FGF14: variants seen among roughly 807,000 people sequenced by gnomAD.
FGF14 encodes fibroblast growth factor homologous factor 4.
A neutral mutation model predicts 25.5 loss-of-function variants in FGF14; 5 were observed. The observed-to-expected ratio is 0.20, with a 90% confidence interval of 0.10 to 0.41. The LOEUF (loss-of-function observed/expected upper bound fraction) is 0.41, where lower values mean the gene tolerates loss of function less well. FGF14 is among the 10% of genes least tolerant of loss of function. The probability of loss-of-function intolerance (pLI) is 1.00; values close to 1 mark genes in which losing one functional copy is unlikely to be tolerated. For missense variants in FGF14, 222 were observed against 320.1 expected (o/e 0.69, Z 2.34); for synonymous variants, 138 against 118.3 (o/e 1.17, Z -1.08).
chr13:101,792,297 T>C (rs1218143080), intron 3 of FGF14, among the ~76,000 whole-genome samples: 1 of 152,120 alleles, frequency 6.6e-6, no homozygotes, highest in Non-Finnish European at 1.5e-5. Flanking sequence ...ACACCACCAT[T>C]GCTTTGGATT....
At chr13:102,022,751 A>G (rs999516371) in intron 1 of FGF14, among the ~76,000 whole-genome samples, 1 of 152,150 alleles carries the variant, frequency 6.6e-6, no homozygotes. Context: ...GTTCCATTTT[A>G]AACTATAAAA....
chr13:102,089,120 T>C (rs1053180862), intron 1 of FGF14, among the ~76,000 whole-genome samples: 5 of 152,168 alleles, frequency 3.3e-5, no homozygotes, highest in African/African-American at 9.6e-5. Context: ...TTCCAGAGTG[T>C]AGGGAAAACT....
chr13:102,292,959 A>G (rs908736817), intron 1 of FGF14: 5 of 152,280 alleles, frequency 3.3e-5, no homozygotes, highest in Non-Finnish European at 5.9e-5. Flanking sequence ...GCTGAAATGA[A>G]GATCACATCT....
intron 1 of FGF14, among the ~76,000 whole-genome samples, chr13:101,978,432 G>A (rs1342238188): frequency 1.3e-5 from 2 of 152,044 alleles, no homozygotes; most frequent in Non-Finnish European, 2.9e-5. Context: ...GAGCCAGAAG[G>A]GTCACTAAAT....
At chr13:101,778,428 T>A (rs1420451995) in intron 3 of FGF14, among the ~76,000 whole-genome samples, 1 of 152,274 alleles carries the variant, frequency 6.6e-6, no homozygotes, top group South Asian at 2.1e-4. Context: ...TAAACCTCCA[T>A]CGCCTTGCCT....
At chr13:102,200,596 G>A (rs1038083196) in intron 1 of FGF14, among the ~76,000 whole-genome samples, 1 of 146,874 alleles carries the variant, frequency 6.8e-6, no homozygotes, top group Non-Finnish European at 1.5e-5. Context: ...GGGAAATGCA[G>A]GTCTTCTCAT....
At chr13:102,233,313 G>A (rs1216944132) in intron 1 of FGF14, among the ~76,000 whole-genome samples, 4 of 152,096 alleles carry the variant, frequency 2.6e-5, no homozygotes, top group East Asian at 3.9e-4. Flanking sequence ...TGTATTTTTA[G>A]TAGAGATGGA....
chr13:101,900,693 A>G (rs2031428113), intron 1 of FGF14, among the ~76,000 whole-genome samples: 1 of 152,162 alleles, frequency 6.6e-6, no homozygotes, highest in Non-Finnish European at 1.5e-5. Flanking sequence ...GGAAAAGCAC[A>G]TGAGGAGCGT....
At chr13:102,150,405 T>A (rs1269472725) in intron 1 of FGF14, among the ~76,000 whole-genome samples, 1 of 152,078 alleles carries the variant, frequency 6.6e-6, no homozygotes, top group Admixed American at 6.6e-5. Flanking sequence ...ACTAACAACA[T>A]AAATGTAAAT....
intron 1 of FGF14, among the ~76,000 whole-genome samples, chr13:101,889,345 G>A (rs975832193): frequency 8.5e-5 from 13 of 152,082 alleles, no homozygotes; most frequent in Non-Finnish European, 1.0e-4. Flanking sequence ...GTAGCACCCG[G>A]CTCCCAGGAT....
In FGF14 at chr13:101,717,339, C is replaced by T. The variant is rs1402995976; in HGVS notation, c.*5492G>A. On this transcript the variant is annotated 3_prime_UTR_variant, in exon 5 of 5. Coordinates refer to ENST00000376143, the MANE Select transcript of FGF14 (RefSeq NM_004115.4). ...ATCTCTATCCTGAGATTAAGGAGTG[C>T]AACCATGTTGTAGTTCTATTATTGA... The T allele has an allele frequency of 3.3e-5, 5 of 152,056 alleles. No homozygotes were observed. In the South Asian group the frequency reaches 1.0e-3, roughly 32 times the overall value. 9.4% of individuals were successfully genotyped at this position (152,056 alleles called of 1,614,324 possible).
intron 1 of FGF14, among the ~76,000 whole-genome samples, chr13:102,142,307 G>C (rs1594123781): frequency 6.6e-6 from 1 of 151,844 alleles, no homozygotes; most frequent in African/African-American, 2.4e-5. Context: ...GTAAAAATAG[G>C]ATATGATTTG....
chr13:102,166,393 G>A (rs981660062), intron 1 of FGF14, among the ~76,000 whole-genome samples: 2 of 151,626 alleles, frequency 1.3e-5, no homozygotes, highest in Non-Finnish European at 2.9e-5. Context: ...GACTTTCTCC[G>A]TCATTAACAG....
At chr13:102,089,831 A>T (rs2044089097) in intron 1 of FGF14, among the ~76,000 whole-genome samples, 1 of 152,188 alleles carries the variant, frequency 6.6e-6, no homozygotes, top group Non-Finnish European at 1.5e-5. Flanking sequence ...AGATCATTTT[A>T]ATTAGTTTTC....
At chr13:101,772,500 G>T (rs1391207426) in intron 3 of FGF14, among the ~76,000 whole-genome samples, 1 of 151,892 alleles carries the variant, frequency 6.6e-6, no homozygotes, top group Non-Finnish European at 1.5e-5. Flanking sequence ...TTTCTCTCAG[G>T]CTAGAAAAGC....
chr13:101,757,731 T>C (rs1037530104), intron 3 of FGF14, among the ~76,000 whole-genome samples: 10 of 152,128 alleles, frequency 6.6e-5, no homozygotes, highest in Non-Finnish European at 1.3e-4. Flanking sequence ...GAAAACCAAA[T>C]GCAAATCCAG....
chr13:102,132,432 T>C (rs2046237283), intron 1 of FGF14, among the ~76,000 whole-genome samples: 1 of 152,112 alleles, frequency 6.6e-6, no homozygotes, highest in African/African-American at 2.4e-5. Context: ...GATGTGGACA[T>C]ACAGAATCTA....
intron 1 of FGF14, among the ~76,000 whole-genome samples, chr13:101,999,030 T>A (rs1269690627): frequency 1.3e-5 from 2 of 152,208 alleles, no homozygotes; most frequent in Admixed American, 6.5e-5. Flanking sequence ...TTTCAAACTA[T>A]GCTTCTCAGA....
At chr13:102,324,023 T>C (rs2056339465) in intron 1 of FGF14, among the ~76,000 whole-genome samples, 3 of 150,100 alleles carry the variant, frequency 2.0e-5, no homozygotes, top group Admixed American at 1.3e-4. Context: ...ACATGTGCTG[T>C]TGTATGTGAG....
Sources: gnomAD v4.1 joint callset for allele counts (sites outside exome capture counted in the v4.1 genomes callset) on GRCh38, gnomAD v4.1.1 for gene constraint, MANE v1.5 for transcripts, NCBI Gene and HGNC (gene_info 2026-07-23, HGNC 2026-07-21) for gene names.